Variants in EXOC4 observed in about 807,000 individuals in gnomAD.
The protein encoded by EXOC4 is SEC8-like 1.
A neutral mutation model predicts 107.2 loss-of-function variants in EXOC4; 71 were observed. The observed-to-expected ratio is 0.66, with a 90% CI of 0.55 to 0.81. The LOEUF (loss-of-function observed/expected upper bound fraction) is 0.81. EXOC4 is among the 30% of genes least tolerant of loss of function. The pLI is 0.00. For missense variants in EXOC4, 1,108 were observed against 1,189.6 expected, an observed-to-expected ratio of 0.93 and a Z score of 1.01; for synonymous variants, 456 against 441.2, an observed-to-expected ratio of 1.03 and a Z score of -0.42.
intron 7 of EXOC4, among the ~76,000 whole-genome samples, chr7:133,431,297 T>G (rs887463822): frequency 6.6e-6 from 1 of 152,204 alleles, no homozygotes; most frequent in African/African-American, 2.4e-5. Context: ...GTGAAGTCAT[T>G]TACATGTTTA....
intron 14 of EXOC4, among the ~76,000 whole-genome samples, chr7:133,964,945 A>G (rs868655830): frequency 3.9e-5 from 6 of 152,178 alleles, no homozygotes. Flanking sequence ...CACTCCCACC[A>G]ACAGTGTAAA....
chr7:133,647,102 G>A (rs569765901), intron 10 of EXOC4, among the ~76,000 whole-genome samples: 26 of 152,180 alleles, frequency 1.7e-4, no homozygotes, highest in South Asian at 4.2e-4. Context: ...AATGTTTGAC[G>A]GCACGCAAAC....
At chr7:133,441,558 T>G (rs896425455) in intron 7 of EXOC4, among the ~76,000 whole-genome samples, 1 of 151,916 alleles carries the variant, frequency 6.6e-6, no homozygotes, top group Admixed American at 6.5e-5. Flanking sequence ...GCCTGGCTAA[T>G]TTTTGTATTT....
intron 7 of EXOC4, among the ~76,000 whole-genome samples, chr7:133,400,552 T>C (rs1035615124): frequency 6.6e-6 from 1 of 152,342 alleles, no homozygotes; most frequent in East Asian, 1.9e-4. Flanking sequence ...TTTTTGCTTT[T>C]CTTTTTTACA....
At chr7:133,994,153 C>A (rs1222849646) in intron 14 of EXOC4, among the ~76,000 whole-genome samples, 1 of 152,166 alleles carries the variant, frequency 6.6e-6, no homozygotes, top group African/African-American at 2.4e-5. Flanking sequence ...TATGATGTTC[C>A]CCTCCCTGTG....
At chr7:133,527,634 T>C (rs1427701299) in intron 9 of EXOC4, among the ~76,000 whole-genome samples, 1 of 152,118 alleles carries the variant, frequency 6.6e-6, no homozygotes, top group Non-Finnish European at 1.5e-5. Flanking sequence ...AAATTTCAAG[T>C]TGTGTAGAAG....
Position 133,433,271 on chromosome 7 carries a change from C to T in EXOC4, c.1183-42057C>T, listed in dbSNP as rs1008966103. The stretch of plus-strand genomic sequence containing the variant: ...CCACTCCCAATAGCCCCCCACCCAA[C>T]CTATGAGAGCAGTCTGTTTCGTCAT... On this transcript the variant is annotated intron_variant, in intron 7 of 17. Coordinates refer to ENST00000253861, the MANE Select transcript of EXOC4 (RefSeq NM_021807.4). Among the ~76,000 whole-genome samples the T allele has an allele frequency of 7.9e-5, 12 of 152,292 alleles. No homozygotes were observed. In the South Asian group the frequency reaches 1.7e-3, roughly 21 times the overall value.
At chr7:133,917,044 C>T (rs775262385) in intron 12 of EXOC4, among the ~76,000 whole-genome samples, 30 of 152,080 alleles carry the variant, frequency 2.0e-4, no homozygotes, top group Non-Finnish European at 7.3e-5. Context: ...GCTTTTTCTG[C>T]CTGACAACTG....
chr7:133,869,119 A>G (rs1585211210), intron 11 of EXOC4, among the ~76,000 whole-genome samples: 1 of 150,956 alleles, frequency 6.6e-6, no homozygotes, highest in Non-Finnish European at 1.5e-5. Flanking sequence ...AAGCCATTCT[A>G]GAGCACTCAG....
At chr7:134,053,793 C>T (rs1326576708) in intron 17 of EXOC4, among the ~76,000 whole-genome samples, 4 of 151,976 alleles carry the variant, frequency 2.6e-5, no homozygotes, top group African/African-American at 9.7e-5. Context: ...CCTCCAACCT[C>T]CTGTCCCTTT....
At chr7:133,793,980 C>T (rs562323478) in intron 10 of EXOC4, among the ~76,000 whole-genome samples, 1 of 152,288 alleles carries the variant, frequency 6.6e-6, no homozygotes, top group South Asian at 2.1e-4. Context: ...GGACTTTCAG[C>T]CTTACATTAC....
chr7:133,427,476 G>C (rs1244920480), intron 7 of EXOC4, among the ~76,000 whole-genome samples: 6 of 152,144 alleles, frequency 3.9e-5, no homozygotes, highest in Non-Finnish European at 7.4e-5. Flanking sequence ...AATGGAAATG[G>C]ATTTTTCTTT....
At chr7:133,788,684 G>C (rs1052519269) in intron 10 of EXOC4, among the ~76,000 whole-genome samples, 1 of 152,070 alleles carries the variant, frequency 6.6e-6, no homozygotes, top group Admixed American at 6.5e-5. Flanking sequence ...GTAGAAACGG[G>C]TTTTCACCAA....
intron 11 of EXOC4, among the ~76,000 whole-genome samples, chr7:133,823,912 A>AT (rs1360357080): frequency 5.1e-5 from 1 of 19,630 alleles, no homozygotes; most frequent in African/African-American, 4.2e-4. Context: ...TATATATATA[A>AT]ATATATATAT....
chr7:133,707,621 A>AT (rs1794796583), intron 10 of EXOC4, among the ~76,000 whole-genome samples: 1 of 151,274 alleles, frequency 6.6e-6, no homozygotes, highest in East Asian at 1.9e-4. Flanking sequence ...TTATTTATTT[A>AT]TTTATTTTTT....
intron 14 of EXOC4, among the ~76,000 whole-genome samples, chr7:133,979,560 G>T (rs891765990): frequency 6.6e-6 from 1 of 152,162 alleles, no homozygotes; most frequent in African/African-American, 2.4e-5. Context: ...GGCCCAGGCA[G>T]GTGGATCACA....
chr7:133,711,009 G>A (rs1794881861), intron 10 of EXOC4, among the ~76,000 whole-genome samples: 1 of 152,192 alleles, frequency 6.6e-6, no homozygotes, highest in Non-Finnish European at 1.5e-5. Context: ...TTCAAGGGGT[G>A]AGAGATGTGA....
At chr7:133,803,350 T>C (rs1796992796) in intron 10 of EXOC4, among the ~76,000 whole-genome samples, 1 of 152,214 alleles carries the variant, frequency 6.6e-6, no homozygotes, top group Non-Finnish European at 1.5e-5. Context: ...TGGAGTTTTG[T>C]TGTTTTATTT....
chr7:134,017,856 A>G (rs940493696), intron 17 of EXOC4, among the ~76,000 whole-genome samples: 1 of 152,204 alleles, frequency 6.6e-6, no homozygotes, highest in African/African-American at 2.4e-5. Flanking sequence ...TAGTGTCACC[A>G]TATTTTGTAT....
Sources: allele counts gnomAD v4.1 joint callset (sites outside exome capture counted in the v4.1 genomes callset), GRCh38; gene constraint gnomAD v4.1.1; transcripts MANE v1.5; gene names NCBI Gene and HGNC (gene_info 2026-07-23, HGNC 2026-07-21).